The following CNTNAP5 variants were observed in gnomAD, a reference collection of about 807,000 sequenced individuals.
The protein encoded by CNTNAP5 is contactin associated protein family member 5, also known as contactin-associated protein-like 5.
A neutral mutation model predicts 150.2 loss-of-function variants in CNTNAP5; 72 were observed. The observed-to-expected ratio is 0.48, with a 90% CI of 0.40 to 0.58. The LOEUF (loss-of-function observed/expected upper bound fraction) is 0.58. Among genes scored for constraint, CNTNAP5 ranks in the 20% least tolerant of loss-of-function variants. The probability of loss-of-function intolerance (pLI) is 0.00; values close to 1 mark genes in which losing one functional copy is unlikely to be tolerated. For synonymous variants in CNTNAP5, 672 were observed against 619.8 expected, an observed-to-expected ratio of 1.08 and a Z score of -1.25; for missense variants, 1,636 against 1,626.2, an observed-to-expected ratio of 1.01 and a Z score of -0.10.
rs529365070 is a variant in CNTNAP5 at position 124,048,038 on chromosome 2, A to G, written c.82+22306A>G. On this transcript the variant is annotated intron_variant, in intron 1 of 23. Transcript: ENST00000682447. Reference sequence around the variant, plus strand: ...ATAAACATTTCCAAGCTACACTGAAACATTCATTTCTTTATTTTATTTAGC... The same window carrying G: ...ATAAACATTTCCAAGCTACACTGAAGCATTCATTTCTTTATTTTATTTAGC... Among the ~76,000 whole-genome samples, 8 of 152,266 alleles carry G rather than the reference A, an allele frequency of 5.3e-5. No homozygotes were observed. In the South Asian group the frequency reaches 1.4e-3, roughly 28 times the overall value.
At chr2:124,167,369 G>A (rs1337241927) in intron 1 of CNTNAP5, among the ~76,000 whole-genome samples, 1 of 152,138 alleles carries the variant, frequency 6.6e-6, no homozygotes, top group Non-Finnish European at 1.5e-5. Context: ...TTACACTCCA[G>A]GGTCAGTTTT....
chr2:124,285,078 T>A (rs1688113893), intron 3 of CNTNAP5, among the ~76,000 whole-genome samples: 2 of 152,132 alleles, frequency 1.3e-5, no homozygotes, highest in African/African-American at 4.8e-5. Flanking sequence ...GGTTAGTTCT[T>A]GGAGTGTGAA....
At chr2:124,598,217 G>T (rs1464541652) in intron 11 of CNTNAP5, among the ~76,000 whole-genome samples, 2 of 139,410 alleles carry the variant, frequency 1.4e-5, no homozygotes, top group African/African-American at 2.7e-5. Flanking sequence ...GAGGAGAGGC[G>T]CTCTGCATTT....
rs181271573 is a variant in CNTNAP5 at position 124,185,465 on chromosome 2, T to A, written c.83-36240T>A. ...GGAAGAGCCAGAAATAAATTAAAAA[T>A]CTAGTATCTCAATATGCAGCCTTCT... On this transcript the variant is annotated intron_variant, in intron 1 of 23. Coordinates refer to ENST00000682447, the MANE Select transcript of CNTNAP5 (RefSeq NM_001367498.1). Among the ~76,000 whole-genome samples, 513 of 152,332 alleles carry A rather than the reference T, an allele frequency of 3.4e-3. 1 individual carries two copies. Among genetic ancestry groups the A allele is most frequent in the African/African-American group, 0.012 (493 of 41,588 alleles).
At chr2:124,541,468 T>A (rs927727314) in intron 10 of CNTNAP5, among the ~76,000 whole-genome samples, 2 of 152,062 alleles carry the variant, frequency 1.3e-5, no homozygotes, top group East Asian at 1.9e-4. Flanking sequence ...AAGGTGGGAC[T>A]GATATTTCAG....
chr2:124,839,202 G>A (rs1682891938), intron 19 of CNTNAP5, among the ~76,000 whole-genome samples: 1 of 151,956 alleles, frequency 6.6e-6, no homozygotes, highest in African/African-American at 2.4e-5. Context: ...GAGGGAAGAT[G>A]GGGTAAGGAG....
rs528711286 is a variant in CNTNAP5 at position 124,274,424 on chromosome 2, G to A, written c.381+32031G>A. On this transcript the variant is annotated intron_variant, in intron 3 of 23. Coordinates refer to ENST00000682447, the MANE Select transcript of CNTNAP5 (RefSeq NM_001367498.1). ...TTTTCCCTCCCTCAATATTGTCACTGGTAAACTGAGATCTTTTCCCATTTT... is the reference window on the plus strand; with the variant it reads ...TTTTCCCTCCCTCAATATTGTCACTAGTAAACTGAGATCTTTTCCCATTTT... 9.2e-5 allele frequency among the ~76,000 whole-genome samples: 14 copies of A among 152,174 alleles called. No individual in the cohort carries two copies. In the East Asian group the frequency reaches 9.7e-4, roughly 11 times the overall value.
intron 8 of CNTNAP5, among the ~76,000 whole-genome samples, chr2:124,510,979 A>G (rs1694574559): frequency 6.6e-6 from 1 of 152,208 alleles, no homozygotes; most frequent in Admixed American, 6.5e-5. Flanking sequence ...ACCAAGTGCC[A>G]TGGGGACCTC....
In CNTNAP5 at chr2:124,902,961, C is replaced by T; in HGVS notation, c.3516C>T (p.Asn1172=). 1.9e-6 allele frequency: 3 copies of T among 1,613,046 alleles called. No homozygotes were observed. The highest frequency in any genetic ancestry group is 2.5e-6 in the Non-Finnish European group (3 of 1,179,446). Residue 1172 remains asparagine, a synonymous_variant, in exon 22 of 24, where the codon AAC becomes AAT. Coordinates refer to ENST00000682447, the MANE Select transcript of CNTNAP5 (RefSeq NM_001367498.1). ...GATGCATGTCTTCCGTCCAGTACAACCACATAGCACCACTGAAGGCTGCCC... is the reference window on the plus strand; with the variant it reads ...GATGCATGTCTTCCGTCCAGTACAATCACATAGCACCACTGAAGGCTGCCC... The part of the protein sequence containing the change: ...FAGCMSSVQY[N]HIAPLKAALR...
chr2:124,382,727 C>G (rs1399062126), intron 3 of CNTNAP5, among the ~76,000 whole-genome samples: 1 of 152,050 alleles, frequency 6.6e-6, no homozygotes, highest in Non-Finnish European at 1.5e-5. Context: ...CAGTAAAAAA[C>G]AAGGCACTTA....
chr2:124,087,964 C>T (rs775341286), intron 1 of CNTNAP5, among the ~76,000 whole-genome samples: 3 of 152,152 alleles, frequency 2.0e-5, no homozygotes, highest in Non-Finnish European at 4.4e-5. Flanking sequence ...GTTTCCTCAG[C>T]TCCTTGAATC....
At chr2:124,756,344 G>T (rs942818249) in intron 14 of CNTNAP5, among the ~76,000 whole-genome samples, 1 of 152,158 alleles carries the variant, frequency 6.6e-6, no homozygotes. Flanking sequence ...AATCATTTTT[G>T]AACACAGTGT....
chr2:124,794,489 C>T (rs940878724), intron 18 of CNTNAP5, among the ~76,000 whole-genome samples: 1 of 152,140 alleles, frequency 6.6e-6, no homozygotes, highest in Admixed American at 6.5e-5. Context: ...GTAAATAATG[C>T]TACAATAAAC....
intron 3 of CNTNAP5, among the ~76,000 whole-genome samples, chr2:124,338,107 T>C (rs1330018899): frequency 1.3e-5 from 2 of 152,170 alleles, no homozygotes; most frequent in African/African-American, 4.8e-5. Flanking sequence ...GATTCCTAGG[T>C]ATTTTATTCT....
chr2:124,210,031 A>G (rs539308768), intron 1 of CNTNAP5, among the ~76,000 whole-genome samples: 2 of 152,268 alleles, frequency 1.3e-5, no homozygotes, highest in African/African-American at 2.4e-5. Context: ...CCAGAGTTTG[A>G]TCATGAAGGG....
intron 3 of CNTNAP5, among the ~76,000 whole-genome samples, chr2:124,394,669 T>G (rs745591826): frequency 1.3e-5 from 2 of 152,204 alleles, no homozygotes; most frequent in Non-Finnish European, 2.9e-5. Flanking sequence ...TTAACAGCTC[T>G]CTTATAAACC....
intron 21 of CNTNAP5, among the ~76,000 whole-genome samples, chr2:124,894,467 G>A (rs1678262946): frequency 6.6e-6 from 1 of 151,294 alleles, no homozygotes; most frequent in South Asian, 2.1e-4. Flanking sequence ...AACAACCTAG[G>A]AGGAATTATT....
chr2:124,266,489 T>G (rs1354151366), intron 3 of CNTNAP5, among the ~76,000 whole-genome samples: 1 of 152,130 alleles, frequency 6.6e-6, no homozygotes, highest in Non-Finnish European at 1.5e-5. Flanking sequence ...CTCAGAATGA[T>G]TTATGAATAG....
At chr2:124,335,104 T>C (rs1417611292) in intron 3 of CNTNAP5, among the ~76,000 whole-genome samples, 1 of 152,140 alleles carries the variant, frequency 6.6e-6, no homozygotes, top group Non-Finnish European at 1.5e-5. Context: ...TGGTTAAAGA[T>C]GGTGCTTACA....
Sources: gnomAD v4.1 joint callset for allele counts (sites outside exome capture counted in the v4.1 genomes callset) on GRCh38, gnomAD v4.1.1 for gene constraint, MANE v1.5 for transcripts, NCBI Gene and HGNC (gene_info 2026-07-23, HGNC 2026-07-21) for gene names.